HTR2C: variants seen among roughly 807,000 people sequenced by gnomAD.
HTR2C encodes 5-hydroxytryptamine receptor 2C.
Under a neutral mutation model 21.0 loss-of-function variants are expected in HTR2C, and 5 were observed. The ratio of observed to expected loss-of-function variants is 0.24; its 90% CI spans 0.12 to 0.50. HTR2C has a LOEUF of 0.50. Among genes scored for constraint, HTR2C ranks in the 20% least tolerant of loss-of-function variants. The pLI, the probability that HTR2C is intolerant of heterozygous loss-of-function variation, is 0.98. For missense variants in HTR2C, 271 were observed against 371.2 expected (o/e 0.73, Z 2.22); for synonymous variants, 150 against 145.3 (o/e 1.03, Z -0.23).
chrX:114,835,458 A>G (rs1309385078), intron 4 of HTR2C, among the ~76,000 whole-genome samples: 2 of 106,373 alleles, frequency 1.9e-5, no homozygotes, highest in Middle Eastern at 9.6e-3. Flanking sequence ...CATTCATTTC[A>G]TCTTCCATTG....
intron 2 of HTR2C, among the ~76,000 whole-genome samples, chrX:114,661,620 G>A (rs901397393): frequency 9.1e-6 from 1 of 109,901 alleles, no homozygotes; most frequent in Non-Finnish European, 1.9e-5. Flanking sequence ...ATCCACCTGC[G>A]TCAGCCTCCC....
At chrX:114,828,260 AT>A (rs1403417944) in intron 4 of HTR2C, among the ~76,000 whole-genome samples, 2 of 110,299 alleles carry the variant, frequency 1.8e-5, no homozygotes, top group African/African-American at 3.3e-5. Flanking sequence ...CAAATATTGT[AT>A]TTTTTGAGCT....
chrX:114,658,508 C>T (rs1275102810), intron 2 of HTR2C, among the ~76,000 whole-genome samples: 2 of 111,105 alleles, frequency 1.8e-5, no homozygotes, highest in East Asian at 2.8e-4. Flanking sequence ...GTGGGTGGAT[C>T]GATGAAGATT....
At chrX:114,716,170 A>C (rs1264742676) in intron 2 of HTR2C, among the ~76,000 whole-genome samples, 3 of 112,858 alleles carry the variant, frequency 2.7e-5, no homozygotes, top group Non-Finnish European at 5.6e-5. Flanking sequence ...AGCAGTTTCA[A>C]ATTGCTGGGC....
intron 2 of HTR2C, among the ~76,000 whole-genome samples, chrX:114,667,202 T>A (rs1231503366): frequency 9.0e-6 from 1 of 111,423 alleles, no homozygotes; most frequent in Non-Finnish European, 1.9e-5. Context: ...GTTGTTTTTT[T>A]AACAAAAAAT....
chrX:114,869,900 T>C (rs2071077786), intron 5 of HTR2C, among the ~76,000 whole-genome samples: 2 of 111,820 alleles, frequency 1.8e-5, no homozygotes, highest in South Asian at 7.5e-4. Flanking sequence ...AAATGCTATT[T>C]CAACATCAAT....
chrX:114,883,605 G>A (rs2071198705), intron 5 of HTR2C, among the ~76,000 whole-genome samples: 1 of 109,340 alleles, frequency 9.1e-6, no homozygotes, highest in African/African-American at 3.3e-5. Flanking sequence ...GTTTGGGTAT[G>A]CTGTGTATTT....
intron 2 of HTR2C, among the ~76,000 whole-genome samples, chrX:114,702,021 A>G (rs1932530179): frequency 9.1e-6 from 1 of 109,616 alleles, no homozygotes; most frequent in Non-Finnish European, 1.9e-5. Flanking sequence ...AAAAGAATAA[A>G]GAGAAACGAA....
At chrX:114,589,034 G>C (rs782260128) in intron 1 of HTR2C, among the ~76,000 whole-genome samples, 3 of 112,251 alleles carry the variant, frequency 2.7e-5, no homozygotes, top group African/African-American at 9.7e-5. Context: ...AACCAAGCTT[G>C]AAACCAGGCA....
intron 4 of HTR2C, among the ~76,000 whole-genome samples, chrX:114,836,517 G>C (rs1278770364): frequency 1.8e-5 from 2 of 112,276 alleles, no homozygotes; most frequent in Non-Finnish European, 3.8e-5. Flanking sequence ...GGAACTCCCT[G>C]ACCCCTTGCG....
At chrX:114,871,634 C>T (rs1359971251) in intron 5 of HTR2C, among the ~76,000 whole-genome samples, 2 of 39,579 alleles carry the variant, frequency 5.1e-5, no homozygotes, top group East Asian at 2.9e-3. Flanking sequence ...ACATCTTCAT[C>T]TGTTTTTTTT....
chrX:114,775,077 A>C (rs1556438302), intron 4 of HTR2C: 6 of 491,991 alleles, frequency 1.2e-5, no homozygotes, highest in Non-Finnish European at 2.2e-5. Context: ...GTTTGTCCTC[A>C]CCATTAATCT....
intron 5 of HTR2C, among the ~76,000 whole-genome samples, chrX:114,854,616 A>G (rs1556470378): frequency 9.0e-6 from 1 of 111,515 alleles, no homozygotes; most frequent in African/African-American, 3.3e-5. Flanking sequence ...CTGAAACTAC[A>G]AAAACACTAG....
At chrX:114,652,860 G>T in intron 2 of HTR2C, 1 of 180,833 alleles carries the variant, frequency 5.5e-6, no homozygotes, top group South Asian at 1.2e-4. Context: ...TTAGAGGAAG[G>T]CCAGATTATT....
intron 2 of HTR2C, among the ~76,000 whole-genome samples, chrX:114,702,718 T>C (rs1320636398): frequency 3.7e-5 from 4 of 107,936 alleles, no homozygotes; most frequent in Non-Finnish European, 7.7e-5. Context: ...CAATATTAAC[T>C]TTAAATGTAA....
chrX:114,872,927 T>C (rs1195730129), intron 5 of HTR2C, among the ~76,000 whole-genome samples: 1 of 111,935 alleles, frequency 8.9e-6, no homozygotes, highest in African/African-American at 3.2e-5. Context: ...GCTTCATGTA[T>C]TTTGTGGTTC....
rs781932046 is a variant in HTR2C at position 114,869,033 on chromosome X, G to A, written c.550+20830G>A. On this transcript the variant is annotated intron_variant, in intron 5 of 5. Coordinates refer to ENST00000276198, the MANE Select transcript of HTR2C (RefSeq NM_000868.4). The stretch of plus-strand genomic sequence containing the variant: ...CAGGCCCCAGTGAGTGATGTTCCCC[G>A]CCCTCTGTCCAAGTGATCTCATCGT... 7.6e-5 allele frequency among the ~76,000 whole-genome samples: 8 copies of A among 105,660 alleles called. No homozygotes were observed. In the East Asian group the frequency reaches 1.2e-3, roughly 15 times the overall value. The allele number at this position is 105,660 out of a possible 115,157, so 91.8% of individuals were successfully genotyped here.
At chrX:114,695,969 A>C (rs1470358820) in intron 2 of HTR2C, among the ~76,000 whole-genome samples, 2 of 112,014 alleles carry the variant, frequency 1.8e-5, no homozygotes, top group African/African-American at 6.5e-5. Flanking sequence ...ATTTAGCAAG[A>C]TTTCTTTTTC....
At chrX:114,664,370 C>T (rs1264604428) in intron 2 of HTR2C, among the ~76,000 whole-genome samples, 1 of 111,755 alleles carries the variant, frequency 8.9e-6, no homozygotes, top group East Asian at 2.8e-4. Context: ...TGCTTTCCCT[C>T]CTCCTTCCCC....
Sources: gnomAD v4.1 joint callset for allele counts (sites outside exome capture counted in the v4.1 genomes callset) on GRCh38, gnomAD v4.1.1 for gene constraint, MANE v1.5 for transcripts, NCBI Gene and HGNC (gene_info 2026-07-23, HGNC 2026-07-21) for gene names.